TBC1D5: variants seen among roughly 807,000 people sequenced by gnomAD.
TBC1D5 encodes TBC1 domain family, member 5.
Under a neutral mutation model 100.3 loss-of-function variants are expected in TBC1D5, and 75 were observed. The ratio of observed to expected loss-of-function variants is 0.75; its 90% CI spans 0.62 to 0.91. TBC1D5 has a LOEUF of 0.91. TBC1D5 is among the 40% of genes least tolerant of loss of function. The probability of loss-of-function intolerance (pLI) is 0.00; values close to 1 mark genes in which losing one functional copy is unlikely to be tolerated. For missense variants in TBC1D5, 910 were observed against 942.4 expected, an observed-to-expected ratio of 0.97 and a Z score of 0.45; for synonymous variants, 323 against 325.6, an observed-to-expected ratio of 0.99 and a Z score of 0.09.
chr3:17,581,523 C>T (rs1422708097), intron 2 of TBC1D5, among the ~76,000 whole-genome samples: 1 of 152,172 alleles, frequency 6.6e-6, no homozygotes, highest in Non-Finnish European at 1.5e-5. Flanking sequence ...TCCCCTTCTT[C>T]ATTAAATGAA....
At chr3:17,299,783 C>T (rs187916121) in intron 14 of TBC1D5, among the ~76,000 whole-genome samples, 19 of 146,432 alleles carry the variant, frequency 1.3e-4, no homozygotes, top group East Asian at 6.2e-4. Flanking sequence ...GGCGTGAACC[C>T]GGGAGGCGGA....
intron 2 of TBC1D5, among the ~76,000 whole-genome samples, chr3:17,540,496 A>G (rs1028874214): frequency 6.6e-6 from 1 of 152,050 alleles, no homozygotes; most frequent in Non-Finnish European, 1.5e-5. Context: ...TAATTTTTGT[A>G]TACTGTGTTA....
intron 3 of TBC1D5, among the ~76,000 whole-genome samples, chr3:17,442,065 T>C (rs2094672931): frequency 6.6e-6 from 1 of 152,198 alleles, no homozygotes; most frequent in South Asian, 2.1e-4. Flanking sequence ...ATCAGTGGTG[T>C]TGAGTTTTCT....
intron 18 of TBC1D5, among the ~76,000 whole-genome samples, chr3:17,209,635 T>C (rs985061997): frequency 6.6e-6 from 1 of 152,234 alleles, no homozygotes; most frequent in Non-Finnish European, 1.5e-5. Flanking sequence ...TACATTATAA[T>C]GTCTATGTAA....
chr3:17,666,453 T>C (rs2067262030), intron 1 of TBC1D5, among the ~76,000 whole-genome samples: 1 of 152,186 alleles, frequency 6.6e-6, no homozygotes, highest in South Asian at 2.1e-4. Context: ...ATTTCTAAAA[T>C]TTTTCTCCTT....
intron 8 of TBC1D5, among the ~76,000 whole-genome samples, chr3:17,402,857 A>C (rs772850870): frequency 2.0e-5 from 3 of 152,112 alleles, no homozygotes; most frequent in Non-Finnish European, 2.9e-5. Context: ...GCAAGGGATA[A>C]ATTTTTCTGG....
At chr3:17,379,023 T>C (rs954071464) in intron 9 of TBC1D5, among the ~76,000 whole-genome samples, 12 of 151,918 alleles carry the variant, frequency 7.9e-5, no homozygotes, top group Non-Finnish European at 1.3e-4. Context: ...GTTTGTATAC[T>C]ATTAACAATA....
At chr3:17,231,739 C>A (rs1251434094) in intron 17 of TBC1D5, among the ~76,000 whole-genome samples, 1 of 152,124 alleles carries the variant, frequency 6.6e-6, no homozygotes, top group African/African-American at 2.4e-5. Flanking sequence ...CAAAAAGTGA[C>A]TTCCCCAAAT....
chr3:17,538,406 G>A (rs111380684), intron 2 of TBC1D5, among the ~76,000 whole-genome samples: 4 of 152,102 alleles, frequency 2.6e-5, no homozygotes, highest in African/African-American at 4.8e-5. Flanking sequence ...AAGTGAACAC[G>A]TGCACAACTT....
intron 3 of TBC1D5, among the ~76,000 whole-genome samples, chr3:17,506,159 G>A (rs2095842595): frequency 6.6e-6 from 1 of 152,076 alleles, no homozygotes; most frequent in African/African-American, 2.4e-5. Flanking sequence ...GCCCAGGTAA[G>A]ACATATATTA....
At chr3:17,514,255 A>G (rs1281330105) in intron 2 of TBC1D5, among the ~76,000 whole-genome samples, 6 of 152,206 alleles carry the variant, frequency 3.9e-5, no homozygotes, top group Non-Finnish European at 8.8e-5. Context: ...AGAATACTTC[A>G]TTTGACAACA....
intron 3 of TBC1D5, among the ~76,000 whole-genome samples, chr3:17,466,815 G>T (rs190179152): frequency 1.7e-4 from 26 of 150,696 alleles, no homozygotes; most frequent in Admixed American, 6.6e-5. Context: ...TTTATCAAAC[G>T]TGACTCAAGT....
chr3:17,559,257 C>T (rs2096541942), intron 2 of TBC1D5, among the ~76,000 whole-genome samples: 1 of 152,020 alleles, frequency 6.6e-6, no homozygotes, highest in Non-Finnish European at 1.5e-5. Context: ...TCTCCTGCCT[C>T]AGCCTCCCAA....
chr3:17,357,197 G>C (rs1251224135), intron 13 of TBC1D5, among the ~76,000 whole-genome samples: 1 of 152,152 alleles, frequency 6.6e-6, no homozygotes, highest in East Asian at 1.9e-4. Context: ...GGGTGAAAAA[G>C]AATAAAAGAC....
intron 3 of TBC1D5, among the ~76,000 whole-genome samples, chr3:17,471,670 CAA>C (rs753132440): frequency 1.3e-4 from 3 of 22,288 alleles, no homozygotes; most frequent in Admixed American, 4.3e-4. Flanking sequence ...GACTCCGTCT[CAA>C]AAAAAAAAAA....
intron 13 of TBC1D5, among the ~76,000 whole-genome samples, chr3:17,311,719 C>T (rs1575264133): frequency 6.6e-6 from 1 of 151,988 alleles, no homozygotes; most frequent in African/African-American, 2.4e-5. Context: ...CCATTAATGG[C>T]TCTTTAGTGA....
chr3:17,724,878 A>C (rs1284456877), intron 1 of TBC1D5, among the ~76,000 whole-genome samples: 1 of 152,046 alleles, frequency 6.6e-6, no homozygotes, highest in Non-Finnish European at 1.5e-5. Flanking sequence ...TCATATATCT[A>C]GGTCATTGTG....
At chr3:17,327,582 A>G (rs775500558) in intron 13 of TBC1D5, among the ~76,000 whole-genome samples, 5 of 152,184 alleles carry the variant, frequency 3.3e-5, no homozygotes, top group Non-Finnish European at 4.4e-5. Context: ...CCACAAAAAT[A>G]CATGGCTTGC....
intron 2 of TBC1D5, among the ~76,000 whole-genome samples, chr3:17,603,155 GTTTTT>G (rs1224220563): frequency 7.5e-6 from 1 of 133,878 alleles, no homozygotes; most frequent in Non-Finnish European, 1.6e-5. Context: ...AAGTTTTTTG[GTTTTT>G]TTTTTTTTTT....
Sources: allele counts gnomAD v4.1 joint callset (sites outside exome capture counted in the v4.1 genomes callset), GRCh38; gene constraint gnomAD v4.1.1; transcripts MANE v1.5; gene names NCBI Gene and HGNC (gene_info 2026-07-23, HGNC 2026-07-21).